The following NOS1AP variants were observed in gnomAD, a reference collection of about 807,000 sequenced individuals.
NOS1AP encodes the protein carboxyl-terminal PDZ ligand of neuronal nitric oxide synthase protein.
NOS1AP carries 21 observed loss-of-function variants against 56.2 expected under a neutral mutation model. That is an observed-to-expected ratio of 0.37 (90% CI 0.26 to 0.54). The LOEUF is 0.54. Ranked by LOEUF, NOS1AP falls within the 20% of genes least tolerant of loss-of-function variation. The pLI, the probability that NOS1AP is intolerant of heterozygous loss-of-function variation, is 0.84. For synonymous variants in NOS1AP, 270 were observed against 274.6 expected, an observed-to-expected ratio of 0.98 and a Z score of 0.17; for missense variants, 522 against 657.8, an observed-to-expected ratio of 0.79 and a Z score of 2.26.
intron 2 of NOS1AP, among the ~76,000 whole-genome samples, chr1:162,183,553 G>A (rs1651331387): frequency 6.6e-6 from 1 of 152,208 alleles, no homozygotes; most frequent in Admixed American, 6.5e-5. Flanking sequence ...TTGAAAATCT[G>A]TTGTTTAGTG....
intron 1 of NOS1AP, among the ~76,000 whole-genome samples, chr1:162,078,831 C>T (rs4098274): frequency 4.0e-5 from 6 of 151,792 alleles, no homozygotes; most frequent in African/African-American, 7.3e-5. Context: ...TTTCCCACCC[C>T]GTTCACAAGT....
intron 2 of NOS1AP, among the ~76,000 whole-genome samples, chr1:162,251,602 ATGTGTGTGTGTG>A (rs35955567): frequency 1.4e-5 from 2 of 146,284 alleles, no homozygotes; most frequent in East Asian, 2.0e-4. Context: ...AAATATATAT[ATGTGTGTGTGTG>A]TGTGTGTGTG....
chr1:162,140,564 T>G (rs1376335791), intron 1 of NOS1AP, among the ~76,000 whole-genome samples: 1 of 152,256 alleles, frequency 6.6e-6, no homozygotes. Flanking sequence ...ACACCTGGAT[T>G]GATTCCATGC....
chr1:162,246,501 C>T (rs1368191099), intron 2 of NOS1AP, among the ~76,000 whole-genome samples: 1 of 152,114 alleles, frequency 6.6e-6, no homozygotes, highest in Non-Finnish European at 1.5e-5. Context: ...CTTAAAATTA[C>T]TAGGAAAACA....
chr1:162,313,876 C>G (rs763106491), intron 4 of NOS1AP, among the ~76,000 whole-genome samples: 1 of 152,094 alleles, frequency 6.6e-6, no homozygotes, highest in Non-Finnish European at 1.5e-5. Context: ...GCTGGCCTCC[C>G]GCTTGATTTT....
At chr1:162,210,106 T>C (rs1652298728) in intron 2 of NOS1AP, among the ~76,000 whole-genome samples, 1 of 152,228 alleles carries the variant, frequency 6.6e-6, no homozygotes, top group Non-Finnish European at 1.5e-5. Flanking sequence ...GGCATACTGC[T>C]GTCTGAAAGA....
In NOS1AP at chr1:162,212,037, C is replaced by A. The variant is rs1029859394; in HGVS notation, c.177+57561C>A. Among the ~76,000 whole-genome samples the A allele has an allele frequency of 3.3e-5, 5 of 152,284 alleles. No individual in the cohort carries two copies. The South Asian group carries it at 1.0e-3, about 32-fold the overall frequency. ...GTAAACCTAGCTCATAATCTCTAGT[C>A]GATGCTATAGCTGGGGAAGGACCAG... On this transcript the variant is annotated intron_variant, in intron 2 of 9. Transcript: ENST00000361897.
intron 6 of NOS1AP, among the ~76,000 whole-genome samples, chr1:162,348,440 G>C (rs1657374663): frequency 6.6e-6 from 1 of 152,148 alleles, no homozygotes; most frequent in Non-Finnish European, 1.5e-5. Flanking sequence ...GGTCAGCTTG[G>C]AAATAACAGG....
chr1:162,162,042 A>C (rs1040841897), intron 2 of NOS1AP, among the ~76,000 whole-genome samples: 20 of 152,168 alleles, frequency 1.3e-4, no homozygotes, highest in African/African-American at 4.6e-4. Context: ...TCTCCATAAG[A>C]ATTTTAAGAT....
chr1:162,105,112 T>G (rs1412241293), intron 1 of NOS1AP, among the ~76,000 whole-genome samples: 1 of 152,132 alleles, frequency 6.6e-6, no homozygotes, highest in East Asian at 1.9e-4. Flanking sequence ...GTTGGTGGTG[T>G]TGTTTTCTGT....
chr1:162,261,790 CA>C (rs2101707102), intron 2 of NOS1AP, among the ~76,000 whole-genome samples: 1 of 152,250 alleles, frequency 6.6e-6, no homozygotes, highest in African/African-American at 2.4e-5. Flanking sequence ...TTTGTGTCCC[CA>C]GATCTCAGCT....
At chr1:162,090,306 A>G (rs991391022) in intron 1 of NOS1AP, among the ~76,000 whole-genome samples, 4 of 151,940 alleles carry the variant, frequency 2.6e-5, no homozygotes, top group African/African-American at 9.7e-5. Context: ...AATCTGATCT[A>G]ATTTTTCTTT....
intron 8 of NOS1AP, chr1:162,365,111 G>C: frequency 3.7e-6 from 5 of 1,367,688 alleles, no homozygotes; most frequent in Non-Finnish European, 3.8e-6. Context: ...TGTGTGGCAG[G>C]TCTAGAGGGT....
intron 6 of NOS1AP, among the ~76,000 whole-genome samples, chr1:162,353,305 G>T (rs376465024): frequency 6.6e-6 from 1 of 152,218 alleles, no homozygotes; most frequent in African/African-American, 2.4e-5. Flanking sequence ...CTCCCTACGG[G>T]ACCACTTGCA....
Position 162,345,820 on chromosome 1 carries a change from G to T in NOS1AP, c.595+1844G>T, listed in dbSNP as rs1657276056. 2.6e-5 allele frequency among the ~76,000 whole-genome samples: 4 copies of T among 152,194 alleles called. No homozygotes were observed. The South Asian group carries it at 8.3e-4, about 32-fold the overall frequency. On this transcript the variant is annotated intron_variant, in intron 6 of 9. Coordinates refer to ENST00000361897, the MANE Select transcript of NOS1AP (RefSeq NM_014697.3). ...AATTATTGTCGTAATTAGATAAACT[G>T]ATACTTTTAAAATGCTGAGCCTGGT...
At chr1:162,358,454 T>C (rs1657774121) in intron 8 of NOS1AP, among the ~76,000 whole-genome samples, 1 of 152,158 alleles carries the variant, frequency 6.6e-6, no homozygotes, top group Non-Finnish European at 1.5e-5. Context: ...TTAAAAAGTC[T>C]TACCATGAAA....
chr1:162,118,462 C>A (rs1366964331), intron 1 of NOS1AP, among the ~76,000 whole-genome samples: 1 of 152,262 alleles, frequency 6.6e-6, no homozygotes, highest in East Asian at 1.9e-4. Context: ...TTCATAGTAC[C>A]ACATTTTCTT....
chr1:162,352,216 T>C lies in NOS1AP; in HGVS notation c.596-2971T>C, dbSNP rs138486798. 9.1e-3 allele frequency among the ~76,000 whole-genome samples: 1,385 copies of C among 152,232 alleles called. 16 individuals are homozygous for C. Among genetic ancestry groups the C allele is most frequent in the African/African-American group, 0.027 (1,108 of 41,544 alleles). On this transcript the variant is annotated intron_variant, in intron 6 of 9. Transcript: ENST00000361897. ...CTGGGATTACAGGCATGTACCACCA[T>C]GCCCAGCTAATTTTTGTATTTTAGT...
chr1:162,303,761 C>T (rs900369484), intron 4 of NOS1AP, among the ~76,000 whole-genome samples: 2 of 152,058 alleles, frequency 1.3e-5, no homozygotes, highest in African/African-American at 4.8e-5. Flanking sequence ...TCTTACATGC[C>T]ATTTGTATAT....
Sources: gnomAD v4.1 joint callset for allele counts (sites outside exome capture counted in the v4.1 genomes callset) on GRCh38, gnomAD v4.1.1 for gene constraint, MANE v1.5 for transcripts, NCBI Gene and HGNC (gene_info 2026-07-23, HGNC 2026-07-21) for gene names.